GRAMD1B: variants seen among roughly 807,000 people sequenced by gnomAD.
GRAMD1B encodes GRAM domain containing 1B.
A neutral mutation model predicts 99.7 loss-of-function variants in GRAMD1B; 37 were observed. That is an observed-to-expected ratio of 0.37 (90% CI 0.29 to 0.49). The LOEUF is 0.49. Ranked by LOEUF, GRAMD1B falls within the 20% of genes least tolerant of loss-of-function variation. The pLI, the probability that GRAMD1B is intolerant of heterozygous loss-of-function variation, is 0.98. For missense variants in GRAMD1B, 888 were observed against 1,009.2 expected, an observed-to-expected ratio of 0.88 and a Z score of 1.63; for synonymous variants, 427 against 387.6, an observed-to-expected ratio of 1.10 and a Z score of -1.19.
rs747610651 is a variant in GRAMD1B, at chr11:123,610,174, A to G, written c.1777-22A>G. Reference sequence around the variant, plus strand: ...TTCTTGCTCCTCTTCAGTTTTGTCCAATGGACCTTTCCTGCCCGCAGACCA... The same window carrying G: ...TTCTTGCTCCTCTTCAGTTTTGTCCGATGGACCTTTCCTGCCCGCAGACCA... On this transcript the variant is annotated intron_variant, in intron 13 of 19. Coordinates refer to ENST00000635736, the MANE Select transcript of GRAMD1B (RefSeq NM_001387025.1). The surrounding 1 kb of genome is among the most constrained non-coding windows in gnomAD (Gnocchi z 4.1). 4.3e-6 allele frequency: 7 copies of G among 1,613,344 alleles called. No individual in the cohort carries two copies. In the East Asian group the frequency reaches 8.9e-5, roughly 21 times the overall value.
At chr11:123,481,823 A>G (rs997340743) in intron 2 of GRAMD1B, among the ~76,000 whole-genome samples, 1 of 152,186 alleles carries the variant, frequency 6.6e-6, no homozygotes, top group Non-Finnish European at 1.5e-5. Context: ...AGTTGATGGT[A>G]TTGACGTTAA....
rs376650146 is a variant in GRAMD1B at position 123,446,693 on chromosome 11, G to A, written c.374+15527G>A. Among the ~76,000 whole-genome samples, 60 of 152,246 alleles carry A rather than the reference G, an allele frequency of 3.9e-4. No homozygotes were observed. The South Asian group carries it at 0.012, about 31-fold the overall frequency. ...TGCGACTGAAAATGCAGATAACTCA[G>A]GAGAGGTAATTCTCACGATTCATCA... On this transcript the variant is annotated intron_variant, in intron 1 of 19. Coordinates refer to ENST00000635736, the MANE Select transcript of GRAMD1B (RefSeq NM_001387025.1).
At chr11:123,485,584 A>C (rs1937643825) in intron 2 of GRAMD1B, among the ~76,000 whole-genome samples, 1 of 152,226 alleles carries the variant, frequency 6.6e-6, no homozygotes, top group Admixed American at 6.5e-5. Context: ...GTTGATTTTT[A>C]TGAAAATGTG....
chr11:123,618,302 T>C (rs1160299733), intron 17 of GRAMD1B: 1 of 1,594,944 alleles, frequency 6.3e-7, no homozygotes, highest in South Asian at 1.1e-5. Flanking sequence ...TGCCTGTTTC[T>C]AACCTCTGCC....
upstream of GRAMD1B, among the ~76,000 whole-genome samples, chr11:123,430,053 C>T (rs1190338760): frequency 1.3e-5 from 2 of 151,858 alleles, no homozygotes. Flanking sequence ...CCAATCGTTG[C>T]CCTGAGAAAG....
At chr11:123,376,783 G>A (rs1946704321) in intron 1 of GRAMD1B, among the ~76,000 whole-genome samples, 1 of 152,168 alleles carries the variant, frequency 6.6e-6, no homozygotes, top group Non-Finnish European at 1.5e-5. Context: ...GGAGAACTGG[G>A]ACCAAGTCCT....
chr11:123,526,068 C>A, intron 2 of GRAMD1B: 1 of 1,243,868 alleles, frequency 8.0e-7, no homozygotes, highest in Non-Finnish European at 1.2e-6. Context: ...ACTTCGTCAT[C>A]TTTTCCAATA....
chr11:123,549,077 T>A (rs1945348181), intron 2 of GRAMD1B, among the ~76,000 whole-genome samples: 1 of 152,116 alleles, frequency 6.6e-6, no homozygotes, highest in Non-Finnish European at 1.5e-5. Flanking sequence ...TTGGAGGTGA[T>A]GAAATGGTCA....
chr11:123,475,263 G>A (rs1951210958), intron 1 of GRAMD1B, among the ~76,000 whole-genome samples: 3 of 152,212 alleles, frequency 2.0e-5, no homozygotes, highest in African/African-American at 7.2e-5. Context: ...TTTCTCCCTT[G>A]TGGAGCGTGC....
At chr11:123,551,736 C>A (rs188287101) in intron 2 of GRAMD1B, among the ~76,000 whole-genome samples, 44 of 152,252 alleles carry the variant, frequency 2.9e-4, no homozygotes. Context: ...TTTGTAGCCA[C>A]CTGTTGGTAG....
At chr11:123,570,115 T>C (rs1370687052) in intron 2 of GRAMD1B, among the ~76,000 whole-genome samples, 1 of 152,232 alleles carries the variant, frequency 6.6e-6, no homozygotes, top group Non-Finnish European at 1.5e-5. Flanking sequence ...ACTCACTCCT[T>C]GATACTTAAG....
At chr11:123,392,553 A>G (rs1479435455) in intron 1 of GRAMD1B, among the ~76,000 whole-genome samples, 1 of 151,834 alleles carries the variant, frequency 6.6e-6, no homozygotes, top group East Asian at 1.9e-4. Context: ...ATGGCCTGAT[A>G]CTCATATTAT....
intron 7 of GRAMD1B, among the ~76,000 whole-genome samples, chr11:123,599,733 A>G (rs1592213192): frequency 6.6e-6 from 1 of 152,184 alleles, no homozygotes; most frequent in Non-Finnish European, 1.5e-5. Context: ...TCGGCCTCCC[A>G]AAGTGTTGGG....
At chr11:123,520,795 A>G (rs2135423852) in intron 2 of GRAMD1B, among the ~76,000 whole-genome samples, 1 of 145,872 alleles carries the variant, frequency 6.9e-6, no homozygotes, top group Admixed American at 6.8e-5. Context: ...AAAAAAAAAG[A>G]AAGAAAGAAA....
At chr11:123,495,882 T>A (rs778739569) in intron 2 of GRAMD1B, among the ~76,000 whole-genome samples, 3 of 152,224 alleles carry the variant, frequency 2.0e-5, no homozygotes, top group Non-Finnish European at 4.4e-5. Context: ...TTTTTAGCTT[T>A]CTGTTGTTCT....
chr11:123,441,360 G>C (rs181485162), intron 1 of GRAMD1B, among the ~76,000 whole-genome samples: 5 of 152,192 alleles, frequency 3.3e-5, no homozygotes, highest in African/African-American at 1.2e-4. Context: ...CATGCAGGCC[G>C]GGTGTGGTGG....
chr11:123,441,991 A>G (rs1486955524), intron 1 of GRAMD1B, among the ~76,000 whole-genome samples: 1 of 152,220 alleles, frequency 6.6e-6, no homozygotes, highest in East Asian at 1.9e-4. Flanking sequence ...CGTTGAGGAT[A>G]GAGAATTTGA....
At chr11:123,455,863 C>T (rs1950091989) in intron 1 of GRAMD1B, among the ~76,000 whole-genome samples, 1 of 152,102 alleles carries the variant, frequency 6.6e-6, no homozygotes, top group Non-Finnish European at 1.5e-5. Context: ...AGAAAACAGC[C>T]TGGCATATAG....
chr11:123,592,322 C>G (rs948596767), intron 4 of GRAMD1B, among the ~76,000 whole-genome samples: 1 of 152,230 alleles, frequency 6.6e-6, no homozygotes, highest in Non-Finnish European at 1.5e-5. Flanking sequence ...AGAGGCAGCA[C>G]AGAGTAGGGG....
Sources: allele counts gnomAD v4.1 joint callset (sites outside exome capture counted in the v4.1 genomes callset), GRCh38; gene constraint gnomAD v4.1.1; non-coding constraint Gnocchi (gnomAD v3.1); transcripts MANE v1.5; gene names NCBI Gene and HGNC (gene_info 2026-07-23, HGNC 2026-07-21).